Variants in FMN2 observed in about 807,000 individuals in gnomAD.
FMN2 encodes the protein formin 2.
A neutral mutation model predicts 142.3 loss-of-function variants in FMN2; 51 were observed. The observed-to-expected ratio is 0.36, with a 90% CI of 0.29 to 0.45. The LOEUF is 0.45. Ranked by LOEUF, FMN2 falls within the 20% of genes least tolerant of loss-of-function variation. FMN2 has a pLI of 1.00. For synonymous variants in FMN2, 882 were observed against 869.8 expected (o/e 1.01, Z -0.25); for missense variants, 1,936 against 2,122.8 (o/e 0.91, Z 1.73).
intron 2 of FMN2, among the ~76,000 whole-genome samples, chr1:240,138,538 A>T (rs185716065): frequency 1.4e-5 from 2 of 144,156 alleles, no homozygotes; most frequent in East Asian, 2.0e-4. Context: ...CATCTCTACT[A>T]AAAAAAAAAA....
chr1:240,276,672 A>C (rs1669224470), intron 7 of FMN2, among the ~76,000 whole-genome samples: 1 of 152,066 alleles, frequency 6.6e-6, no homozygotes, highest in African/African-American at 2.4e-5. Flanking sequence ...ATTTGCCACC[A>C]TGACCCTCAT....
chr1:240,446,561 C>T (rs983625707), intron 16 of FMN2, among the ~76,000 whole-genome samples: 2 of 152,154 alleles, frequency 1.3e-5, no homozygotes, highest in Admixed American at 1.3e-4. Flanking sequence ...TAAAAAATAA[C>T]ATCATGTGGC....
chr1:240,381,701 A>T (rs994547033), intron 14 of FMN2, among the ~76,000 whole-genome samples: 1 of 152,220 alleles, frequency 6.6e-6, no homozygotes, highest in Non-Finnish European at 1.5e-5. Context: ...AAGTGTTGGG[A>T]TTACTGGCAT....
chr1:240,211,146 C>T lies in FMN2; in HGVS notation c.3976C>T (p.His1326Tyr). The T allele has an allele frequency of 6.2e-7, 1 of 1,613,484 alleles. No homozygotes were observed. Among genetic ancestry groups the T allele is most frequent in the Non-Finnish European group, 8.5e-7 (1 of 1,179,724 alleles). The change falls in exon 6 of 18, where the codon CAT (histidine) becomes TAT (tyrosine). Residue 1326 changes from histidine to tyrosine, a missense_variant. Transcript: ENST00000319653. Reference sequence around the variant, plus strand: ...AATTGAAGAGCCATCCATAGATTGTCATGAATTTGAGGAATTATTTTCTAA... The same window carrying T: ...AATTGAAGAGCCATCCATAGATTGTTATGAATTTGAGGAATTATTTTCTAA... The part of the protein sequence containing the change: ...EKIEEPSIDC[H>Y]EFEELFSKTA...
intron 14 of FMN2, among the ~76,000 whole-genome samples, chr1:240,359,549 G>A (rs1350968910): frequency 1.3e-5 from 2 of 152,054 alleles, no homozygotes; most frequent in African/African-American, 2.4e-5. Context: ...AGAGTCTTAC[G>A]GAATTCATCT....
At chr1:240,201,582 C>A (rs748727778) in intron 4 of FMN2, among the ~76,000 whole-genome samples, 1 of 152,138 alleles carries the variant, frequency 6.6e-6, no homozygotes, top group Admixed American at 6.5e-5. Context: ...GATATGATGT[C>A]ATATATCATG....
intron 16 of FMN2, among the ~76,000 whole-genome samples, chr1:240,445,494 G>A (rs537176133): frequency 2.0e-5 from 3 of 152,238 alleles, no homozygotes; most frequent in Admixed American, 2.0e-4. Context: ...GGGGCACAGT[G>A]GGGAGGGTGT....
At chr1:240,274,140 GA>G (rs1306984766) in intron 7 of FMN2, among the ~76,000 whole-genome samples, 1 of 142,402 alleles carries the variant, frequency 7.0e-6, no homozygotes, top group Non-Finnish European at 1.5e-5. Flanking sequence ...GTGGGATACA[GA>G]AATAAAGACA....
At chr1:240,329,597 A>G (rs975371465) in intron 10 of FMN2, 129 bp downstream of exon 10, 17 of 1,219,676 alleles carry the variant, frequency 1.4e-5, no homozygotes, top group Admixed American at 2.5e-5. Context: ...GCAGTCCCAC[A>G]GAAGGGAACA....
At chr1:240,266,356 G>A (rs1459076439) in intron 7 of FMN2, among the ~76,000 whole-genome samples, 1 of 151,918 alleles carries the variant, frequency 6.6e-6, no homozygotes, top group Non-Finnish European at 1.5e-5. Flanking sequence ...ATTAAATAGG[G>A]AGTCCTTTCC....
In FMN2 at chr1:240,223,182, C is replaced by T. The variant is rs571948406; in HGVS notation, c.4065+11947C>T. The stretch of plus-strand genomic sequence containing the variant: ...CCATCAATACCTAGTTTATTGAGAG[C>T]TTTTAGCATAAAGCGGTGCTGAATT... On this transcript the variant is annotated intron_variant, in intron 6 of 17. Coordinates refer to ENST00000319653, the MANE Select transcript of FMN2 (RefSeq NM_020066.5). 2.7e-3 allele frequency among the ~76,000 whole-genome samples: 413 copies of T among 152,184 alleles called. 3 individuals carry two copies. The South Asian group carries it at 0.027, about 10-fold the overall frequency.
chr1:240,303,054 C>T (rs1670258616), intron 8 of FMN2, among the ~76,000 whole-genome samples: 1 of 150,328 alleles, frequency 6.7e-6, no homozygotes, highest in East Asian at 2.0e-4. Context: ...AAAAAAAAAT[C>T]AGAAAATTAA....
intron 6 of FMN2, among the ~76,000 whole-genome samples, chr1:240,256,599 A>AC: frequency 6.6e-6 from 1 of 151,654 alleles, no homozygotes; most frequent in East Asian, 2.0e-4. Flanking sequence ...AAAAAAAAAA[A>AC]AAATAGCTGG....
intron 2 of FMN2, 102 bp downstream of exon 2, chr1:240,123,447 G>T: frequency 8.6e-7 from 1 of 1,160,926 alleles, no homozygotes; most frequent in Non-Finnish European, 1.1e-6. Flanking sequence ...AAAACAACAT[G>T]TGATTCAAGC....
intron 2 of FMN2, among the ~76,000 whole-genome samples, chr1:240,134,351 C>T (rs1435500551): frequency 6.6e-6 from 1 of 152,036 alleles, no homozygotes; most frequent in Non-Finnish European, 1.5e-5. Context: ...GGTGTGGTGG[C>T]TCACACCTGT....
intron 7 of FMN2, among the ~76,000 whole-genome samples, chr1:240,266,575 G>GT (rs1424020042): frequency 1.3e-5 from 2 of 152,026 alleles, no homozygotes; most frequent in Non-Finnish European, 2.9e-5. Flanking sequence ...ATGTTCCGTG[G>GT]TATATATGTA....
At chr1:240,187,253 G>A (rs1421026082) in intron 3 of FMN2, among the ~76,000 whole-genome samples, 3 of 112,970 alleles carry the variant, frequency 2.7e-5, no homozygotes, top group Admixed American at 1.2e-4. Context: ...CTGGGTGAAA[G>A]AGCGAAACTC....
At chr1:240,435,017 G>A (rs947212550) in intron 15 of FMN2, among the ~76,000 whole-genome samples, 1 of 151,988 alleles carries the variant, frequency 6.6e-6, no homozygotes, top group East Asian at 1.9e-4. Flanking sequence ...AGCTACCAGC[G>A]AAAGTTTCTT....
At chr1:240,441,277 G>T (rs188343281) in intron 16 of FMN2, among the ~76,000 whole-genome samples, 1 of 152,204 alleles carries the variant, frequency 6.6e-6, no homozygotes, top group Non-Finnish European at 1.5e-5. Flanking sequence ...ACAGGCGTGA[G>T]CCACCACACC....
Sources: gnomAD v4.1 joint callset for allele counts (sites outside exome capture counted in the v4.1 genomes callset) on GRCh38, gnomAD v4.1.1 for gene constraint, MANE v1.5 for transcripts, NCBI Gene and HGNC (gene_info 2026-07-23, HGNC 2026-07-21) for gene names.